The following SLC26A7 variants were observed in gnomAD, a reference collection of about 807,000 sequenced individuals.
SLC26A7 encodes the protein anion exchange transporter.
A neutral mutation model predicts 82.5 loss-of-function variants in SLC26A7; 59 were observed. The ratio of observed to expected loss-of-function variants is 0.72; its 90% CI spans 0.58 to 0.89. The LOEUF is 0.89. Among genes scored for constraint, SLC26A7 ranks in the 40% least tolerant of loss-of-function variants. The pLI, the probability that SLC26A7 is intolerant of heterozygous loss-of-function variation, is 0.00. For synonymous variants in SLC26A7, 271 were observed against 274.3 expected (o/e 0.99, Z 0.12); for missense variants, 820 against 793.0 (o/e 1.03, Z -0.41).
intron 15 of SLC26A7, among the ~76,000 whole-genome samples, chr8:91,375,932 T>A (rs969062589): frequency 4.6e-5 from 7 of 152,110 alleles, no homozygotes; most frequent in Non-Finnish European, 7.4e-5. Flanking sequence ...TTGTTTGATT[T>A]TTAAAATATC....
intron 5 of SLC26A7, among the ~76,000 whole-genome samples, chr8:91,331,380 T>C (rs1407547693): frequency 6.6e-6 from 1 of 152,176 alleles, no homozygotes; most frequent in African/African-American, 2.4e-5. Flanking sequence ...TATGTATACA[T>C]GTAACCTAGA....
chr8:91,370,814 A>G (rs1379057696), intron 15 of SLC26A7, among the ~76,000 whole-genome samples: 5 of 152,002 alleles, frequency 3.3e-5, no homozygotes, highest in Non-Finnish European at 7.4e-5. Flanking sequence ...GTGTAGTTAA[A>G]TTATTCATAA....
Position 91,290,610 on chromosome 8 carries a change from G to A in SLC26A7, c.304+1364G>A, listed in dbSNP as rs111933105. Among the ~76,000 whole-genome samples, 246 of 152,212 alleles carry A rather than the reference G, an allele frequency of 1.6e-3. 3 individuals are homozygous for A. Among genetic ancestry groups the A allele is most frequent in the African/African-American group, 5.8e-3 (241 of 41,526 alleles). On this transcript the variant is annotated intron_variant, in intron 3 of 18. Transcript: ENST00000276609. The stretch of plus-strand genomic sequence containing the variant: ...TAAAGGACACTTGTGATTACATTGG[G>A]CACACCTGGATAATCCAGGCTGCTC...
chr8:91,282,903 C>G (rs1049836381), intron 2 of SLC26A7, among the ~76,000 whole-genome samples: 1 of 152,194 alleles, frequency 6.6e-6, no homozygotes, highest in Non-Finnish European at 1.5e-5. Flanking sequence ...CAGGCATCTA[C>G]TCTTCATGCT....
intron 2 of SLC26A7, among the ~76,000 whole-genome samples, chr8:91,256,628 G>C (rs1268413946): frequency 6.6e-6 from 1 of 152,098 alleles, no homozygotes; most frequent in Non-Finnish European, 1.5e-5. Flanking sequence ...GCATAGCAGA[G>C]AGAAACCGAG....
chr8:91,368,413 G>GT (rs565439844), intron 14 of SLC26A7, among the ~76,000 whole-genome samples: 8,744 of 144,926 alleles, frequency 0.06, 411 homozygotes, highest in African/African-American at 0.13. Flanking sequence ...TTCAGATGAG[G>GT]TTTTTTTTTT....
At chr8:91,275,619 G>A (rs554111793) in intron 2 of SLC26A7, among the ~76,000 whole-genome samples, 2 of 152,230 alleles carry the variant, frequency 1.3e-5, no homozygotes, top group Admixed American at 6.5e-5. Context: ...TTTTAATGAC[G>A]TTTTGCATCC....
chr8:91,281,230 A>T (rs1330131190), intron 2 of SLC26A7, among the ~76,000 whole-genome samples: 1 of 152,244 alleles, frequency 6.6e-6, no homozygotes, highest in African/African-American at 2.4e-5. Flanking sequence ...ATTTTTACAT[A>T]AGAGTATCAT....
chr8:91,218,985 A>T (rs1427030364), exon 2 of SLC26A7: 1 of 1,548,736 alleles, frequency 6.5e-7, no homozygotes. Context: ...ACCTCTTTGG[A>T]ATTGCTCAGG....
rs112410668 is a variant in SLC26A7 at position 91,336,859 on chromosome 8, A to G, written c.796-1291A>G. On this transcript the variant is annotated intron_variant, in intron 6 of 18. Coordinates refer to ENST00000276609, the MANE Select transcript of SLC26A7 (RefSeq NM_052832.4). ...CATTTTCAATAAGAATCCAGTATCT[A>G]GTAGCTATGGCATATTTTCTTTATA... is the stretch of plus-strand genomic sequence containing the variant. Among the ~76,000 whole-genome samples the G allele has an allele frequency of 2.7e-3, 413 of 152,272 alleles. 1 individual carries two copies. Among genetic ancestry groups the G allele is most frequent in the Non-Finnish European group, 5.1e-3 (345 of 68,014 alleles).
intron 7 of SLC26A7, 65 bp downstream of exon 7, chr8:91,338,297 C>T (rs1191553540): frequency 3.4e-6 from 4 of 1,177,688 alleles, no homozygotes; most frequent in Non-Finnish European, 4.8e-6. Context: ...GAGAAAGGGA[C>T]AGGGAGTGAG....
At chr8:91,363,392 A>G in intron 12 of SLC26A7, 80 bp from the exon 13 acceptor site, 1 of 796,356 alleles carries the variant, frequency 1.3e-6, no homozygotes, top group Non-Finnish European at 2.0e-6. Flanking sequence ...TAGTTATTAA[A>G]TGACTACTTT....
At chr8:91,248,316 A>T (rs1191305671), upstream of SLC26A7, among the ~76,000 whole-genome samples, 4 of 152,150 alleles carry the variant, frequency 2.6e-5, no homozygotes, top group African/African-American at 9.7e-5. Flanking sequence ...TCTTTAGAAG[A>T]TGGAGAGCAA....
intron 9 of SLC26A7, among the ~76,000 whole-genome samples, chr8:91,350,530 C>A (rs1813684854): frequency 6.6e-6 from 1 of 151,932 alleles, no homozygotes; most frequent in Non-Finnish European, 1.5e-5. Flanking sequence ...GTAGTCAATT[C>A]TTTGCCTCCA....
At chr8:91,227,278 T>C (rs1009339128) in intron 2 of SLC26A7, among the ~76,000 whole-genome samples, 14 of 152,200 alleles carry the variant, frequency 9.2e-5, no homozygotes, top group Admixed American at 7.2e-4. Context: ...TTCTCCTGTT[T>C]TGTCTCTTCT....
rs557216458 is a variant in SLC26A7, at chr8:91,389,308, C to T, written c.1676-30C>T. The T allele has an allele frequency of 4.5e-6, 7 of 1,550,340 alleles. No individual in the cohort carries two copies. In the African/African-American group the frequency reaches 5.4e-5, roughly 12 times the overall value. ...AGCAGCAGAAGTCTCTTAAAACTCT[C>T]CCTAACTCAAGTCTCTGTTTCTCCT... On this transcript the variant is annotated intron_variant, in intron 15 of 18. Transcript: ENST00000276609.
At chr8:91,375,987 T>G (rs371535249) in intron 15 of SLC26A7, among the ~76,000 whole-genome samples, 1 of 152,234 alleles carries the variant, frequency 6.6e-6, no homozygotes, top group East Asian at 1.9e-4. Context: ...AGACTAGTCT[T>G]CAAGGCCTAA....
chr8:91,346,477 C>A (rs970400490), intron 9 of SLC26A7, among the ~76,000 whole-genome samples: 2 of 152,090 alleles, frequency 1.3e-5, no homozygotes, highest in Non-Finnish European at 2.9e-5. Flanking sequence ...CTCTTAGGTA[C>A]TAAATTTATA....
chr8:91,214,792 G>A (rs1039421925), intron 1 of SLC26A7, among the ~76,000 whole-genome samples: 4 of 151,940 alleles, frequency 2.6e-5, no homozygotes, highest in Non-Finnish European at 5.9e-5. Flanking sequence ...CCAAAGCTTG[G>A]TGACTTGACA....
Sources: allele counts gnomAD v4.1 joint callset (sites outside exome capture counted in the v4.1 genomes callset), GRCh38; gene constraint gnomAD v4.1.1; transcripts MANE v1.5; gene names NCBI Gene and HGNC (gene_info 2026-07-23, HGNC 2026-07-21).